The following CDH23 variants were observed in gnomAD, a reference collection of about 807,000 sequenced individuals.
The protein encoded by CDH23 is cadherin-23.
CDH23 carries 189 observed loss-of-function variants against 317.1 expected under a neutral mutation model. That is an observed-to-expected ratio of 0.60 (90% CI 0.53 to 0.67). The LOEUF (loss-of-function observed/expected upper bound fraction) is 0.67, where lower values mean the gene tolerates loss of function less well. Among genes scored for constraint, CDH23 ranks in the 30% least tolerant of loss-of-function variants. The pLI is 0.00. For missense variants in CDH23, 4,401 were observed against 4,592.4 expected (o/e 0.96, Z 1.20); for synonymous variants, 1,839 against 1,876.8 (o/e 0.98, Z 0.52).
At chr10:71,526,650 T>C (rs1406949116) in intron 6 of CDH23, among the ~76,000 whole-genome samples, 1 of 152,200 alleles carries the variant, frequency 6.6e-6, no homozygotes, top group Admixed American at 6.5e-5. Context: ...CTGTATCTTA[T>C]CATTTCCTTG....
rs1271673189 is a variant in CDH23, at chr10:71,800,713, C to A, written c.7440C>A (p.Asn2480Lys). ...HYILTALAKD[N>K]PGDVASNRRE... The stretch of plus-strand genomic sequence containing the variant: ...TCCTGACTGCCTTGGCCAAAGACAA[C>A]CCTGGGGATGTAGCCAGCAACCGTC... Residue 2480 changes from asparagine (N) to lysine (K), a missense_variant, in exon 53 of 70, where the codon AAC becomes AAA. Asn to Lys is a moderately conservative substitution (Grantham distance 94, BLOSUM62 0). Coordinates refer to ENST00000224721, the MANE Select transcript of CDH23 (RefSeq NM_022124.6). The A allele has an allele frequency of 6.2e-7, 1 of 1,613,852 alleles. No individual in the cohort carries two copies. The highest frequency in any genetic ancestry group is 1.3e-5 in the African/African-American group (1 of 74,898).
chr10:71,546,420 C>T (rs930444265), intron 6 of CDH23, among the ~76,000 whole-genome samples: 10 of 152,108 alleles, frequency 6.6e-5, no homozygotes, highest in South Asian at 2.1e-4. Context: ...TTTAATGCAA[C>T]GCAAGCAATT....
chr10:71,609,683 A>G (rs550627220), intron 9 of CDH23, among the ~76,000 whole-genome samples: 19 of 152,164 alleles, frequency 1.2e-4, no homozygotes, highest in African/African-American at 4.6e-4. Context: ...ACTACCTTCT[A>G]AATATTCCTG....
chr10:71,585,057 A>C (rs778585679), intron 9 of CDH23, among the ~76,000 whole-genome samples: 4 of 152,204 alleles, frequency 2.6e-5, no homozygotes, highest in Non-Finnish European at 5.9e-5. Flanking sequence ...GGATTGGAGC[A>C]GGAAGCACTG....
chr10:71,546,022 G>A (rs552353646), intron 6 of CDH23, among the ~76,000 whole-genome samples: 2 of 152,136 alleles, frequency 1.3e-5, no homozygotes, highest in African/African-American at 2.4e-5. Context: ...TGTGTAACCC[G>A]GCTGTCCAAG....
At chr10:71,793,797 C>G (rs1002309122) in intron 48 of CDH23, among the ~76,000 whole-genome samples, 157 bp downstream of exon 48, 3 of 152,138 alleles carry the variant, frequency 2.0e-5, no homozygotes, top group Non-Finnish European at 4.4e-5. Context: ...CCGTCCTTCT[C>G]TTTTCCATCT....
In CDH23 at chr10:71,798,826, A is replaced by G. The variant is rs79488537; in HGVS notation, c.7054+248A>G. Among the ~76,000 whole-genome samples, 542 of 152,274 alleles carry G rather than the reference A, an allele frequency of 3.6e-3. 6 individuals are homozygous for G. The highest frequency in any genetic ancestry group is 0.012 in the African/African-American group (500 of 41,552). ...ATACCCCACCACCCAAGCTCCTACT[A>G]TTAGTACCACCGAGGGAGCAGGAAG... On this transcript the variant is annotated intron_variant, in intron 50 of 69. Transcript: ENST00000224721.
chr10:71,773,154 T>C (rs1170513611), intron 38 of CDH23, among the ~76,000 whole-genome samples: 1 of 152,242 alleles, frequency 6.6e-6, no homozygotes, highest in Non-Finnish European at 1.5e-5. Flanking sequence ...CATGCAGATG[T>C]GCCCGATGCC....
At chr10:71,565,835 A>G (rs886163711) in intron 6 of CDH23, among the ~76,000 whole-genome samples, 41 of 152,218 alleles carry the variant, frequency 2.7e-4, no homozygotes, top group Non-Finnish European at 1.2e-4. Flanking sequence ...TGGGATTCCA[A>G]CAAATGGTCT....
intron 8 of CDH23, among the ~76,000 whole-genome samples, chr10:71,572,574 A>T (rs970241309): frequency 6.6e-6 from 1 of 152,132 alleles, no homozygotes; most frequent in Admixed American, 6.5e-5. Context: ...GCAGACCAGC[A>T]TACTCACCAT....
chr10:71,713,511 G>C (rs1220927421), intron 28 of CDH23: 1 of 543,170 alleles, frequency 1.8e-6, no homozygotes, highest in East Asian at 3.1e-5. Context: ...TGGGAGGCTG[G>C]CAATGCTCCC....
chr10:71,441,238 C>CA (rs1849862039), intron 2 of CDH23, among the ~76,000 whole-genome samples: 1 of 152,112 alleles, frequency 6.6e-6, no homozygotes, highest in African/African-American at 2.4e-5. Flanking sequence ...ATATCACCCC[C>CA]CTCACCCCGC....
At chr10:71,525,812 G>T (rs1157525226) in intron 6 of CDH23, among the ~76,000 whole-genome samples, 1 of 106,588 alleles carries the variant, frequency 9.4e-6, no homozygotes, top group East Asian at 3.4e-4. Flanking sequence ...AGAGAAAGAG[G>T]CGTCCCTGCT....
chr10:71,720,420 A>AACACACACACACACAC (rs57346519), intron 28 of CDH23, among the ~76,000 whole-genome samples: 106 of 145,852 alleles, frequency 7.3e-4, no homozygotes, highest in African/African-American at 2.5e-3. Context: ...CTCTTTCCAA[A>AACACACACACACACAC]ACACACACAC....
rs755525347 is a variant in CDH23 at position 71,805,833 on chromosome 10, G to A, written c.7900G>A (p.Glu2634Lys). 6.2e-6 allele frequency: 10 copies of A among 1,613,574 alleles called. No homozygotes were observed. The highest frequency in any genetic ancestry group is 8.5e-6 in the Non-Finnish European group (10 of 1,179,826). The stretch of plus-strand genomic sequence containing the variant: ...GATCCCGCTGCGCTCCAACGTGTAC[G>A]AGGTCTACGCCACGGACAAGGATGA... ...EEIPLRSNVYEVYATDKDEGL... is the reference protein window; with the variant it reads ...EEIPLRSNVYKVYATDKDEGL... The change falls in exon 56 of 70, where the codon GAG (glutamate) becomes AAG (lysine). Residue 2634 changes from glutamate to lysine, a missense_variant. Glu to Lys is a moderately conservative substitution (Grantham distance 56). Transcript: ENST00000224721.
intron 10 of CDH23, among the ~76,000 whole-genome samples, chr10:71,616,110 G>A (rs539795144): frequency 9.2e-4 from 140 of 152,332 alleles, no homozygotes; most frequent in Non-Finnish European, 1.5e-3. Flanking sequence ...CTACAGTCCC[G>A]CACCCGCTGC....
Position 71,802,919 on chromosome 10 carries a change from G to A in CDH23, c.7504G>A (p.Val2502Ile), listed in dbSNP as rs373816780. ...CCAGGTGGTGATCCAAGTGCTGGAT[G>A]TCAATGACTGCCGGCCACAGTTCTC... The part of the protein sequence containing the change: ...SVQVVIQVLD[V>I]NDCRPQFSKP... The change falls in exon 54 of 70, where the codon GTC becomes ATC. Residue 2502 changes from valine to isoleucine, a missense_variant. Physicochemically the swap from Val to Ile is conservative, Grantham distance 29 (BLOSUM62 3). Transcript: ENST00000224721. 10 of 1,613,918 alleles carry A rather than the reference G, an allele frequency of 6.2e-6. No individual in the cohort carries two copies. The highest frequency in any genetic ancestry group is 7.6e-6 in the Non-Finnish European group (9 of 1,179,890).
At chr10:71,707,642 A>T (rs1347782224) in intron 26 of CDH23, 1 of 643,526 alleles carries the variant, frequency 1.6e-6, no homozygotes, top group Non-Finnish European at 1.9e-6. Flanking sequence ...GGTGGCGCAC[A>T]TGCCATGGGT....
At chr10:71,404,348 G>A (rs970300130) in intron 1 of CDH23, among the ~76,000 whole-genome samples, 2 of 152,198 alleles carry the variant, frequency 1.3e-5, no homozygotes, top group African/African-American at 4.8e-5. Context: ...TTTGCCTGCA[G>A]CTGCCTTTTA....
Sources: allele counts gnomAD v4.1 joint callset (sites outside exome capture counted in the v4.1 genomes callset), GRCh38; gene constraint gnomAD v4.1.1; transcripts MANE v1.5; gene names NCBI Gene and HGNC (gene_info 2026-07-23, HGNC 2026-07-21).